DYRK1B: variants seen among roughly 807,000 people sequenced by gnomAD.
DYRK1B encodes dual specificity tyrosine phosphorylation regulated kinase 1B.
DYRK1B carries 20 observed loss-of-function variants against 57.1 expected under a neutral mutation model. That is an observed-to-expected ratio of 0.35 (90% CI 0.25 to 0.51). The LOEUF (loss-of-function observed/expected upper bound fraction) is 0.51, where lower values mean the gene tolerates loss of function less well. Ranked by LOEUF, DYRK1B falls within the 20% of genes least tolerant of loss-of-function variation. The pLI is 0.96. For missense variants in DYRK1B, 732 were observed against 886.3 expected (o/e 0.83, Z 2.21); for synonymous variants, 409 against 384.7 (o/e 1.06, Z -0.74).
rs375764040 is a variant in DYRK1B, at chr19:39,825,935, G to A, written c.1670C>T (p.Ser557Leu). Residue 557 changes from serine (S) to leucine (L), a missense_variant, in exon 11 of 11, where the codon TCA becomes TTA. Transcript: ENST00000323039. Reference protein sequence around the residue: ...RYLGRPPSPTSPPPPELMDVS... With the variant: ...RYLGRPPSPTLPPPPELMDVS... ...ATCCATCAGCTCCGGGGGTGGTGGTGAGGTTGGTGATGGGGGACGACCAAG... is the reference window on the plus strand; with the variant it reads ...ATCCATCAGCTCCGGGGGTGGTGGTAAGGTTGGTGATGGGGGACGACCAAG... 15 of 1,538,896 alleles carry A rather than the reference G, an allele frequency of 9.7e-6. No individual in the cohort carries two copies. Among genetic ancestry groups the A allele is most frequent in the African/African-American group, 4.1e-5 (3 of 72,556 alleles).
Position 39,825,877 on chromosome 19 carries a change from G to T in DYRK1B, c.1728C>A (p.Ser576=). 1 of 1,594,734 alleles carries T rather than the reference G, an allele frequency of 6.3e-7. No homozygotes were observed. Among genetic ancestry groups the T allele is most frequent in the South Asian group, 1.1e-5 (1 of 87,700 alleles). Residue 576 remains serine, a synonymous_variant, in exon 11 of 11, where the codon TCC becomes TCA. Transcript: ENST00000323039. ...VSLVGGPADC[S]PPHPAPAPQH... Reference sequence around the variant, plus strand: ...GGGGGGCAGGCGCTGGGTGAGGTGGGGAGCAGTCAGCAGGGCCGCCCACCA... The same window carrying T: ...GGGGGGCAGGCGCTGGGTGAGGTGGTGAGCAGTCAGCAGGGCCGCCCACCA...
chr19:39,833,051 C>T (rs966049738), intron 1 of DYRK1B: 1 of 985,266 alleles, frequency 1.0e-6, no homozygotes, highest in African/African-American at 1.7e-5. Flanking sequence ...GTCAAATCCC[C>T]AAGTTATCAC....
rs770185589 is a variant in DYRK1B, at chr19:39,825,930, G to A, written c.1675C>T (p.Pro559Ser). The change falls in exon 11 of 11, where the codon CCA becomes TCA. Residue 559 changes from proline to serine, a missense_variant. Coordinates refer to ENST00000323039, the MANE Select transcript of DYRK1B (RefSeq NM_004714.3). ...CTCACATCCATCAGCTCCGGGGGTG[G>A]TGGTGAGGTTGGTGATGGGGGACGA... is the stretch of plus-strand genomic sequence containing the variant. ...LGRPPSPTSP[P>S]PPELMDVSLV... is the part of the protein sequence containing the mutation. 2.6e-6 allele frequency: 4 copies of A among 1,545,264 alleles called. No homozygotes were observed. The African/African-American group carries it at 5.5e-5, about 21-fold the overall frequency.
intron 2 of DYRK1B, among the ~76,000 whole-genome samples, chr19:39,831,040 C>T (rs563361527): frequency 3.3e-5 from 5 of 152,292 alleles, no homozygotes; most frequent in South Asian, 4.1e-4. Context: ...TGACCTTTCA[C>T]CCCTCACCTT....
Position 39,825,923 on chromosome 19 carries a change from G to A in DYRK1B, c.1682C>T (p.Pro561Leu), listed in dbSNP as rs747064766. 13 of 1,549,978 alleles carry A rather than the reference G, an allele frequency of 8.4e-6. No homozygotes were observed. Among genetic ancestry groups the A allele is most frequent in the Middle Eastern group, 3.5e-4 (2 of 5,738 alleles). The change falls in exon 11 of 11, where the codon CCG becomes CTG. Residue 561 changes from proline to leucine, a missense_variant. By Grantham distance (98) the Pro-to-Leu change is moderately conservative (BLOSUM62 -3). This residue lies in a region of DYRK1B where 222 missense variants were observed against 205.0 expected (regional missense o/e 1.08). Transcript: ENST00000323039. ...RPPSPTSPPP[P>L]ELMDVSLVGG... The stretch of plus-strand genomic sequence containing the variant: ...CACCAGGCTCACATCCATCAGCTCC[G>A]GGGGTGGTGGTGAGGTTGGTGATGG...
intron 1 of DYRK1B, chr19:39,833,780 C>T (rs1050252796): frequency 6.6e-6 from 1 of 152,472 alleles, no homozygotes; most frequent in East Asian, 1.9e-4. Flanking sequence ...TGAGCCCAAA[C>T]AAAGGGCGGG....
chr19:39,833,126 T>TC (rs914742229), intron 1 of DYRK1B: 16 of 985,424 alleles, frequency 1.6e-5, no homozygotes, highest in Non-Finnish European at 1.8e-5. Context: ...GGCCACTCTC[T>TC]CCCCCATGTC....
In DYRK1B at chr19:39,826,282, G is replaced by C; in HGVS notation, c.1416C>G (p.Gly472=). 1 of 1,576,530 alleles carries C rather than the reference G, an allele frequency of 6.3e-7. No homozygotes were observed. Among genetic ancestry groups the C allele is most frequent in the Middle Eastern group, 1.7e-4 (1 of 5,856 alleles). ...STASSISSSG[G]SSGSSSDNRT... is the part of the protein sequence containing the mutation. Reference sequence around the variant, plus strand: ...GGTTGTCACTGGAGGAGCCACTGGAGCCTCCTGGAAGTGCCAGGGAGGAGA... The same window carrying C: ...GGTTGTCACTGGAGGAGCCACTGGACCCTCCTGGAAGTGCCAGGGAGGAGA... Residue 472 remains glycine, a synonymous_variant, in exon 10 of 11, where the codon GGC becomes GGG. Coordinates refer to ENST00000323039, the MANE Select transcript of DYRK1B (RefSeq NM_004714.3). This position sits in a 1 kb window ranked among gnomAD's most constrained non-coding sequence, Gnocchi z 6.3.
chr19:39,832,439 T>C (rs959844962), intron 1 of DYRK1B, among the ~76,000 whole-genome samples: 1 of 152,114 alleles, frequency 6.6e-6, no homozygotes, highest in Admixed American at 6.5e-5. Context: ...TCTCAGCCCG[T>C]AGCACAGCCA....
At position 39,828,874 on chromosome 19, in the gene DYRK1B, C is replaced by T. The variant is rs923048897; in HGVS notation, c.521-291G>A. Among the ~76,000 whole-genome samples, 1 of 152,228 alleles carries T rather than the reference C, an allele frequency of 6.6e-6. No homozygotes were observed. Among genetic ancestry groups the T allele is most frequent in the Non-Finnish European group, 1.5e-5 (1 of 68,044 alleles). ...TTTAATTTCATAACACTGCTTTCAT[C>T]TCCCTTGTATTCATTTTTGTGGCAA... is the stretch of plus-strand genomic sequence containing the variant. On this transcript the variant is annotated intron_variant, in intron 5 of 10. Coordinates refer to ENST00000323039, the MANE Select transcript of DYRK1B (RefSeq NM_004714.3). This position sits in a 1 kb window ranked among gnomAD's most constrained non-coding sequence, Gnocchi z 4.3.
In DYRK1B at chr19:39,826,167, A is replaced by G. The variant is rs1968525911; in HGVS notation, c.1518+13T>C. On this transcript the variant is annotated intron_variant, in intron 10 of 10. Transcript: ENST00000323039. The surrounding 1 kb of genome is among the most constrained non-coding windows in gnomAD (Gnocchi z 6.3). The stretch of plus-strand genomic sequence containing the variant: ...ACCACCACCCACCTCCAAAGCCCCC[A>G]AAGCCCCATTACCTGGGGGCTGTTC... 26 of 1,591,272 alleles carry G rather than the reference A, an allele frequency of 1.6e-5. No homozygotes were observed. Among genetic ancestry groups the G allele is most frequent in the Non-Finnish European group, 2.0e-5 (24 of 1,171,216 alleles).
At chr19:39,829,174 T>TG (rs968363074) in intron 5 of DYRK1B, among the ~76,000 whole-genome samples, 1 of 151,940 alleles carries the variant, frequency 6.6e-6, no homozygotes, top group African/African-American at 2.4e-5. Context: ...TTCGTTTTTT[T>TG]TTGTTGTTGT....
chr19:39,830,148 C>T (rs896297521), intron 4 of DYRK1B, 121 bp from the exon 5 acceptor site: 6 of 1,316,622 alleles, frequency 4.6e-6, no homozygotes, highest in African/African-American at 2.9e-5. Flanking sequence ...CAGCTGAGTG[C>T]GCACCATTAG....
At chr19:39,829,764 C>T (rs1224392574) in intron 5 of DYRK1B, 116 bp downstream of exon 5, 1 of 1,201,480 alleles carries the variant, frequency 8.3e-7, no homozygotes, top group African/African-American at 1.5e-5. Context: ...CAGACCAAAC[C>T]CTGCTCTGAA....
In DYRK1B at chr19:39,833,313, G is replaced by A. The variant is rs369234394; in HGVS notation, c.-102+710C>T. On this transcript the variant is annotated intron_variant, in intron 1 of 10. Coordinates refer to ENST00000323039, the MANE Select transcript of DYRK1B (RefSeq NM_004714.3). ...GCCCACGGGGGGCTGGGGCGCGGTG[G>A]GGCCCCCAGTGGGGTGGGCGAGCGG... is the stretch of plus-strand genomic sequence containing the variant. 49 of 985,376 alleles carry A rather than the reference G, an allele frequency of 5.0e-5. 2 individuals are homozygous for A. In the East Asian group the frequency reaches 1.0e-3, roughly 21 times the overall value. The allele number at this position is 985,376 out of a possible 1,614,324, so 61.0% of individuals were successfully genotyped here.
chr19:39,833,156 C>T (rs1233243206), intron 1 of DYRK1B: 2 of 985,592 alleles, frequency 2.0e-6, no homozygotes, highest in African/African-American at 1.7e-5. Flanking sequence ...TCTCCTATTC[C>T]ATGCCTTGCC....
Position 39,830,747 on chromosome 19 carries a change from G to A in DYRK1B, c.100C>T (p.Pro34Ser), listed in dbSNP as rs779889840. 3 of 1,614,038 alleles carry A rather than the reference G, an allele frequency of 1.9e-6. No homozygotes were observed. The highest frequency in any genetic ancestry group is 2.5e-6 in the Non-Finnish European group (3 of 1,180,000). The change falls in exon 3 of 11, where the codon CCC becomes TCC. Residue 34 changes from proline to serine, a missense_variant. Around this residue, in one of 2 missense-constraint regions of DYRK1B, gnomAD observed 510 missense variants for 681.3 expected, o/e 0.75. Coordinates refer to ENST00000323039, the MANE Select transcript of DYRK1B (RefSeq NM_004714.3). ...GAGGTTGCATCCCGGAAGGCCAGGG[G>A]CAGCCTCCGAGGCAGTAGCCGCACA... is the stretch of plus-strand genomic sequence containing the variant. ...PDVRLLPRRLPLAFRDATSAP... is the reference protein window; with the variant it reads ...PDVRLLPRRLSLAFRDATSAP...
At position 39,828,557 on chromosome 19, in the gene DYRK1B, G is replaced by C; in HGVS notation, c.547C>G (p.Arg183Gly). 1 of 1,609,898 alleles carries C rather than the reference G, an allele frequency of 6.2e-7. No individual in the cohort carries two copies. The highest frequency in any genetic ancestry group is 8.5e-7 in the Non-Finnish European group (1 of 1,176,824). The change falls in exon 6 of 11, where the codon CGG (arginine) becomes GGG (glycine). Residue 183 changes from arginine (R) to glycine (G), a missense_variant. Transcript: ENST00000323039. The surrounding 1 kb of genome is among the most constrained non-coding windows in gnomAD (Gnocchi z 4.3). ...TCAAATACCAGGCACAGGTGGTTCC[G>C]GAACATGAAGTGCCGCTTCAGGTGT... ...IVHLKRHFMF[R>G]NHLCLVFELL...
Position 39,826,726 on chromosome 19 carries a change from C to T in DYRK1B, c.1357G>A (p.Ala453Thr), listed in dbSNP as rs777699056. ...PAGSSASTSPAPLDTCPSSST... is the reference protein window; with the variant it reads ...PAGSSASTSPTPLDTCPSSST... The stretch of plus-strand genomic sequence containing the variant: ...GAAGAGGGGCAGGTGTCGAGGGGCG[C>T]GGGCGAGGTGGAGGCACTGCTGCCT... Residue 453 changes from alanine (A) to threonine (T), a missense_variant, in exon 9 of 11, where the codon GCG becomes ACG. By Grantham distance (58) the Ala-to-Thr change is moderately conservative. This residue lies in a region of DYRK1B where 510 missense variants were observed against 681.3 expected (regional missense o/e 0.75). Coordinates refer to ENST00000323039, the MANE Select transcript of DYRK1B (RefSeq NM_004714.3). This position sits in a 1 kb window ranked among gnomAD's most constrained non-coding sequence, Gnocchi z 6.3. 36 of 1,602,122 alleles carry T rather than the reference C, an allele frequency of 2.2e-5. No individual in the cohort carries two copies. Among genetic ancestry groups the T allele is most frequent in the South Asian group, 2.1e-4 (19 of 89,036 alleles).
Sources: gnomAD v4.1 joint callset for allele counts (sites outside exome capture counted in the v4.1 genomes callset) on GRCh38, gnomAD v4.1.1 for gene constraint, gnomAD v4.1.1 regional missense constraint, Gnocchi (gnomAD v3.1) non-coding constraint, MANE v1.5 for transcripts, NCBI Gene and HGNC (gene_info 2026-07-23, HGNC 2026-07-21) for gene names.